Variants in MAGI2 observed in about 807,000 individuals in gnomAD.
The protein encoded by MAGI2 is membrane associated guanylate kinase, WW and PDZ domain containing 2.
Under a neutral mutation model 133.3 loss-of-function variants are expected in MAGI2, and 35 were observed. That is an observed-to-expected ratio of 0.26 (90% confidence interval 0.20 to 0.35). MAGI2 has a LOEUF of 0.35. MAGI2 is among the 10% of genes least tolerant of loss of function. MAGI2 has a pLI of 1.00. For synonymous variants in MAGI2, 729 were observed against 710.6 expected, an observed-to-expected ratio of 1.03 and a Z score of -0.41; for missense variants, 1,636 against 1,863.4, an observed-to-expected ratio of 0.88 and a Z score of 2.25.
chr7:78,467,480 G>T (rs57422106), intron 6 of MAGI2, among the ~76,000 whole-genome samples: 2 of 152,000 alleles, frequency 1.3e-5, no homozygotes, highest in Non-Finnish European at 2.9e-5. Context: ...AGTTAAACTA[G>T]TGGGAGCTGA....
At chr7:79,047,962 C>A (rs1386553483) in intron 1 of MAGI2, among the ~76,000 whole-genome samples, 1 of 152,126 alleles carries the variant, frequency 6.6e-6, no homozygotes, top group Non-Finnish European at 1.5e-5. Flanking sequence ...GTCATCTGAA[C>A]TATGAAAATG....
chr7:79,123,927 C>T (rs1017980835), intron 1 of MAGI2, among the ~76,000 whole-genome samples: 4 of 151,926 alleles, frequency 2.6e-5, no homozygotes, highest in African/African-American at 4.8e-5. Context: ...CAACTCACTC[C>T]ACTTTTTTTT....
chr7:79,129,733 C>T (rs904670430), intron 1 of MAGI2, among the ~76,000 whole-genome samples: 2 of 151,860 alleles, frequency 1.3e-5, no homozygotes, highest in Non-Finnish European at 2.9e-5. Flanking sequence ...GACAAAAAGA[C>T]CAAAGATATT....
At chr7:79,385,327 C>T (rs1844100095) in intron 1 of MAGI2, among the ~76,000 whole-genome samples, 1 of 151,766 alleles carries the variant, frequency 6.6e-6, no homozygotes, top group African/African-American at 2.4e-5. Context: ...GGATTATACA[C>T]CTTCAGGACC....
chr7:79,175,785 A>G (rs1826039145), intron 1 of MAGI2, among the ~76,000 whole-genome samples: 1 of 152,034 alleles, frequency 6.6e-6, no homozygotes, highest in South Asian at 2.1e-4. Context: ...ATATCTAAAC[A>G]TAGAAAAGAT....
chr7:78,744,069 A>G (rs564469217), intron 2 of MAGI2, among the ~76,000 whole-genome samples: 10 of 152,064 alleles, frequency 6.6e-5, no homozygotes, highest in Non-Finnish European at 1.5e-4. Context: ...CTAAAATTTA[A>G]TTTTCTTTTT....
chr7:78,467,677 A>G (rs17367928), intron 6 of MAGI2, among the ~76,000 whole-genome samples: 26,029 of 151,950 alleles, frequency 0.17, 2,389 homozygotes, highest in South Asian at 0.25. Flanking sequence ...AAGTACTAAG[A>G]TAACTGAGCT....
intron 6 of MAGI2, among the ~76,000 whole-genome samples, chr7:78,442,619 G>A (rs1182823607): frequency 6.6e-6 from 1 of 152,150 alleles, no homozygotes; most frequent in Non-Finnish European, 1.5e-5. Context: ...TGGCAAATAT[G>A]ATGCAGTGTA....
At position 78,458,297 on chromosome 7, in the gene MAGI2, A is replaced by AAAAAAAAG. The variant is rs1554421603; in HGVS notation, c.1045+31463_1045+31464insCTTTTTTT. Among the ~76,000 whole-genome samples the AAAAAAAAG allele has an allele frequency of 4.3e-4, 63 of 147,384 alleles. 1 individual carries two copies. The highest frequency in any genetic ancestry group is 7.1e-3 in the Middle Eastern group (2 of 282). On this transcript the variant is annotated intron_variant, in intron 6 of 21. Transcript: ENST00000354212. ...GAGACAGGGCAAAACTCGGTCTCAA[A>AAAAAAAAG]AAAAAAAAAAAAGAATAAAAGAGTA...
Position 79,263,292 on chromosome 7 carries a change from C to T in MAGI2, c.301+189728G>A, listed in dbSNP as rs146298714. 3.6e-3 allele frequency among the ~76,000 whole-genome samples: 554 copies of T among 152,232 alleles called. 11 individuals are homozygous for T. Among genetic ancestry groups the T allele is most frequent in the Non-Finnish European group, 5.1e-4 (35 of 68,002 alleles). On this transcript the variant is annotated intron_variant, in intron 1 of 21. Coordinates refer to ENST00000354212, the MANE Select transcript of MAGI2 (RefSeq NM_012301.4). Reference sequence around the variant, plus strand: ...TTTATCATGTAATCTTCAACCCTCACAAGAGCCCTCTGAGGTAGGCACTAT... The same window carrying T: ...TTTATCATGTAATCTTCAACCCTCATAAGAGCCCTCTGAGGTAGGCACTAT...
At chr7:79,232,718 A>T in intron 1 of MAGI2, among the ~76,000 whole-genome samples, 1 of 129,300 alleles carries the variant, frequency 7.7e-6, no homozygotes, top group Admixed American at 8.2e-5. Context: ...CGGTCTATCA[A>T]TTTTGTTGAT....
chr7:79,264,050 T>A (rs1198766485), intron 1 of MAGI2, among the ~76,000 whole-genome samples: 1 of 152,162 alleles, frequency 6.6e-6, no homozygotes, highest in African/African-American at 2.4e-5. Context: ...CCACATTTTT[T>A]TAAAGTAGAA....
chr7:78,360,361 AT>A (rs1380908367), intron 7 of MAGI2, among the ~76,000 whole-genome samples: 1 of 152,206 alleles, frequency 6.6e-6, no homozygotes, highest in Non-Finnish European at 1.5e-5. Flanking sequence ...CACCAAGAGG[AT>A]AGGATCTTGA....
intron 1 of MAGI2, among the ~76,000 whole-genome samples, chr7:79,362,404 C>T (rs1320771703): frequency 1.3e-5 from 2 of 152,056 alleles, no homozygotes; most frequent in East Asian, 3.9e-4. Context: ...TCTTCAGGCT[C>T]ATACTGTTTC....
chr7:78,813,362 G>C lies in MAGI2; in HGVS notation c.419-186123C>G, dbSNP rs139302180. Among the ~76,000 whole-genome samples the C allele has an allele frequency of 2.9e-3, 446 of 152,280 alleles. 3 individuals carry two copies. The highest frequency in any genetic ancestry group is 0.01 in the African/African-American group (432 of 41,568). ...TCTACTGCAATCAAGTGAGGGTTAA[G>C]CTGGGAATGTAAGACTAGTTCAATA... On this transcript the variant is annotated intron_variant, in intron 2 of 21. Coordinates refer to ENST00000354212, the MANE Select transcript of MAGI2 (RefSeq NM_012301.4).
At chr7:78,737,008 G>C (rs191267475) in intron 2 of MAGI2, among the ~76,000 whole-genome samples, 1 of 152,316 alleles carries the variant, frequency 6.6e-6, no homozygotes, top group South Asian at 2.1e-4. Flanking sequence ...GTTTTTACTT[G>C]AATGAATGAC....
At chr7:79,010,556 T>A in intron 1 of MAGI2, among the ~76,000 whole-genome samples, 1 of 152,286 alleles carries the variant, frequency 6.6e-6, no homozygotes, top group East Asian at 1.9e-4. Context: ...ATTTTTTATT[T>A]TATTTTTAGT....
chr7:79,266,593 G>A (rs1834476777), intron 1 of MAGI2, among the ~76,000 whole-genome samples: 1 of 152,102 alleles, frequency 6.6e-6, no homozygotes, highest in South Asian at 2.1e-4. Flanking sequence ...GGTAAGAAAA[G>A]TCTTTTCTCT....
chr7:79,089,681 T>A (rs1248727846), intron 1 of MAGI2, among the ~76,000 whole-genome samples: 1 of 152,052 alleles, frequency 6.6e-6, no homozygotes, highest in Admixed American at 6.6e-5. Flanking sequence ...CTGGAAACCC[T>A]CATTCTCAGC....
Sources: gnomAD v4.1 joint callset for allele counts (sites outside exome capture counted in the v4.1 genomes callset) on GRCh38, gnomAD v4.1.1 for gene constraint, MANE v1.5 for transcripts, NCBI Gene and HGNC (gene_info 2026-07-23, HGNC 2026-07-21) for gene names.